The following NR6A1 variants were observed in gnomAD, a reference collection of about 807,000 sequenced individuals.
The protein encoded by NR6A1 is retinoic acid receptor-related testis-associated receptor.
A neutral mutation model predicts 59.1 loss-of-function variants in NR6A1; 7 were observed. The observed-to-expected ratio is 0.12, with a 90% CI of 0.07 to 0.22. The LOEUF is 0.22. Ranked by LOEUF, NR6A1 falls within the 10% of genes least tolerant of loss-of-function variation. NR6A1 has a pLI of 1.00. For synonymous variants in NR6A1, 243 were observed against 236.1 expected, an observed-to-expected ratio of 1.03 and a Z score of -0.27; for missense variants, 468 against 611.6, an observed-to-expected ratio of 0.77 and a Z score of 2.48.
intron 2 of NR6A1, among the ~76,000 whole-genome samples, chr9:124,643,736 G>C (rs1836840115): frequency 7.2e-6 from 1 of 138,890 alleles, no homozygotes; most frequent in South Asian, 2.2e-4. Flanking sequence ...CCTGGGCAAA[G>C]AGTGAGATCC....
At chr9:124,728,001 T>C (rs942209159) in intron 2 of NR6A1, among the ~76,000 whole-genome samples, 2 of 150,744 alleles carry the variant, frequency 1.3e-5, no homozygotes, top group African/African-American at 4.9e-5. Flanking sequence ...TCATTTTTAT[T>C]TTTTATTTTT....
chr9:124,544,183 C>A (rs1370818160), intron 3 of NR6A1, among the ~76,000 whole-genome samples: 1 of 152,206 alleles, frequency 6.6e-6, no homozygotes, highest in Non-Finnish European at 1.5e-5. Flanking sequence ...AAGGTTTTGA[C>A]AAATTCTAGG....
intron 2 of NR6A1, among the ~76,000 whole-genome samples, chr9:124,639,016 A>C (rs1210716606): frequency 6.6e-6 from 1 of 152,242 alleles, no homozygotes; most frequent in African/African-American, 2.4e-5. Flanking sequence ...AGAAAGTGCT[A>C]GAAGAGTAGC....
intron 2 of NR6A1, among the ~76,000 whole-genome samples, chr9:124,652,560 T>A (rs1273776051): frequency 6.6e-6 from 1 of 152,322 alleles, no homozygotes; most frequent in Admixed American, 6.5e-5. Flanking sequence ...ATTAATTTCC[T>A]TCCTTTCCCT....
chr9:124,538,810 G>A (rs1833358595), intron 5 of NR6A1, among the ~76,000 whole-genome samples: 1 of 151,868 alleles, frequency 6.6e-6, no homozygotes. Context: ...AGGGGCACCT[G>A]AATGGGATAA....
chr9:124,623,010 G>T (rs532972264), intron 2 of NR6A1, among the ~76,000 whole-genome samples: 2 of 152,252 alleles, frequency 1.3e-5, no homozygotes, highest in East Asian at 3.9e-4. Context: ...ATGAACTCAG[G>T]GCCAGGCAAT....
At chr9:124,580,384 T>C (rs13300819) in intron 2 of NR6A1, among the ~76,000 whole-genome samples, 602 of 152,118 alleles carry the variant, frequency 4.0e-3, no homozygotes, top group Non-Finnish European at 6.3e-3. Context: ...GGGTTAGCAG[T>C]CAGCTGAGGG....
At chr9:124,701,345 T>A (rs979314672) in intron 2 of NR6A1, among the ~76,000 whole-genome samples, 1 of 152,232 alleles carries the variant, frequency 6.6e-6, no homozygotes, top group Non-Finnish European at 1.5e-5. Flanking sequence ...CACCTTTGCA[T>A]GTGATGAAAT....
chr9:124,747,188 T>A (rs571177939), intron 1 of NR6A1, among the ~76,000 whole-genome samples: 1 of 32,814 alleles, frequency 3.0e-5, no homozygotes, highest in South Asian at 1.1e-3. Context: ...CTTGTCTGAC[T>A]TTTTTTTTTT....
chr9:124,732,218 T>G (rs569085625), intron 2 of NR6A1, among the ~76,000 whole-genome samples: 1 of 152,336 alleles, frequency 6.6e-6, no homozygotes, highest in East Asian at 1.9e-4. Flanking sequence ...GCTTTATCAC[T>G]GATCTCAACA....
intron 2 of NR6A1, among the ~76,000 whole-genome samples, chr9:124,721,643 G>C (rs559304351): frequency 1.3e-5 from 2 of 152,194 alleles, no homozygotes; most frequent in East Asian, 3.9e-4. Context: ...AGACAACTCG[G>C]GAACCTATTC....
chr9:124,535,855 C>T, intron 7 of NR6A1, 23 bp downstream of exon 7: 1 of 1,612,416 alleles, frequency 6.2e-7, no homozygotes, highest in Admixed American at 1.7e-5. Flanking sequence ...TTTGGTATTT[C>T]CTCCCCAGCC....
intron 2 of NR6A1, among the ~76,000 whole-genome samples, chr9:124,565,317 C>T (rs908020232): frequency 1.3e-5 from 2 of 152,048 alleles, no homozygotes; most frequent in Non-Finnish European, 2.9e-5. Context: ...GTCCCAGATA[C>T]CCAGGAGGCT....
intron 3 of NR6A1, among the ~76,000 whole-genome samples, chr9:124,552,346 T>C (rs1182597565): frequency 6.6e-6 from 1 of 151,774 alleles, no homozygotes; most frequent in Non-Finnish European, 1.5e-5. Flanking sequence ...AAACTGACAG[T>C]GGGGAAGGGA....
chr9:124,653,274 CT>C (rs749050119), intron 2 of NR6A1, among the ~76,000 whole-genome samples: 2,190 of 142,890 alleles, frequency 0.015, 28 homozygotes, highest in African/African-American at 0.04. Flanking sequence ...TTGCAAGTAA[CT>C]TTTTTTTTTT....
intron 2 of NR6A1, among the ~76,000 whole-genome samples, chr9:124,699,685 A>G (rs2131043534): frequency 6.6e-6 from 1 of 152,280 alleles, no homozygotes; most frequent in Non-Finnish European, 1.5e-5. Context: ...GTATAATTCA[A>G]TGACTTTTAT....
chr9:124,670,216 C>CAA (rs1245931470), intron 2 of NR6A1, among the ~76,000 whole-genome samples: 11 of 82,142 alleles, frequency 1.3e-4, no homozygotes, highest in East Asian at 3.2e-4. Context: ...CTCATCTCTG[C>CAA]AAAAAAAAAA....
At chr9:124,637,066 A>G (rs1043725056) in intron 2 of NR6A1, among the ~76,000 whole-genome samples, 2 of 152,210 alleles carry the variant, frequency 1.3e-5, no homozygotes, top group African/African-American at 4.8e-5. Flanking sequence ...ACCCGGAGGC[A>G]GGAGTGATAC....
At chr9:124,544,187 T>G (rs1469593740) in intron 3 of NR6A1, among the ~76,000 whole-genome samples, 6 of 152,236 alleles carry the variant, frequency 3.9e-5, no homozygotes, top group Non-Finnish European at 8.8e-5. Context: ...TTTTGACAAA[T>G]TCTAGGGGAG....
Sources: allele counts gnomAD v4.1 joint callset (sites outside exome capture counted in the v4.1 genomes callset), GRCh38; gene constraint gnomAD v4.1.1; transcripts MANE v1.5; gene names NCBI Gene and HGNC (gene_info 2026-07-23, HGNC 2026-07-21).